The following PLCB4 variants were observed in gnomAD, a reference collection of about 807,000 sequenced individuals.
PLCB4 encodes the protein 1-phosphatidylinositol 4,5-bisphosphate phosphodiesterase beta-4.
PLCB4 carries 77 observed loss-of-function variants against 178.8 expected under a neutral mutation model. The observed-to-expected ratio is 0.43, with a 90% CI of 0.36 to 0.52. PLCB4 has a LOEUF of 0.52. Ranked by LOEUF, PLCB4 falls within the 20% of genes least tolerant of loss-of-function variation. The pLI is 0.00. For synonymous variants in PLCB4, 496 were observed against 490.8 expected (o/e 1.01, Z -0.14); for missense variants, 1,024 against 1,453.4 (o/e 0.70, Z 4.80).
intron 2 of PLCB4, among the ~76,000 whole-genome samples, chr20:9,210,417 C>A (rs1206560946): frequency 6.6e-6 from 1 of 152,114 alleles, no homozygotes; most frequent in East Asian, 1.9e-4. Context: ...CATGCTTATA[C>A]ATGTTGCTGA....
In PLCB4 at chr20:9,435,609, A is replaced by G. The variant is rs770099297; in HGVS notation, c.2574A>G (p.Glu858=). ...SDPKKFLSIT[E]KRADQMRAMG... ...CAAAGAAATTTCTCTCAATTACAGAAAAGAGAGCAGACCAAATGAGAGCTA... is the reference window on the plus strand; with the variant it reads ...CAAAGAAATTTCTCTCAATTACAGAGAAGAGAGCAGACCAAATGAGAGCTA... Residue 858 remains glutamate, a synonymous_variant, in exon 29 of 40, where the codon GAA becomes GAG. Transcript: ENST00000378473. The G allele has an allele frequency of 1.2e-6, 2 of 1,610,114 alleles. No individual in the cohort carries two copies. The highest frequency in any genetic ancestry group is 3.3e-5 in the Admixed American group (2 of 59,974).
chr20:9,462,845 AG>A (rs1185862801), intron 35 of PLCB4, among the ~76,000 whole-genome samples: 14 of 152,214 alleles, frequency 9.2e-5, no homozygotes, highest in African/African-American at 3.4e-4. Context: ...AACACTCTTT[AG>A]GATATCATCC....
chr20:9,109,988 G>T (rs1463933266), intron 2 of PLCB4, among the ~76,000 whole-genome samples: 2 of 152,200 alleles, frequency 1.3e-5, no homozygotes, highest in Non-Finnish European at 2.9e-5. Flanking sequence ...GATGTTCTGT[G>T]AATCTGTTAT....
chr20:9,161,062 A>T (rs1010162097), intron 2 of PLCB4, among the ~76,000 whole-genome samples: 28 of 152,306 alleles, frequency 1.8e-4, no homozygotes, highest in African/African-American at 6.3e-4. Flanking sequence ...TGACAGATAA[A>T]TATAAATTAT....
chr20:9,103,177 T>C (rs2091238071), intron 2 of PLCB4, among the ~76,000 whole-genome samples: 1 of 152,122 alleles, frequency 6.6e-6, no homozygotes, highest in South Asian at 2.1e-4. Context: ...TGCTGACTAC[T>C]CCAGTATGGA....
intron 3 of PLCB4, among the ~76,000 whole-genome samples, chr20:9,275,589 C>G (rs370989721): frequency 1.1e-4 from 16 of 152,078 alleles, no homozygotes; most frequent in African/African-American, 3.4e-4. Flanking sequence ...TTTCATACCA[C>G]ACATGTCATT....
At chr20:9,338,123 G>A (rs556284120) in intron 6 of PLCB4, 56 bp downstream of exon 6, 2 of 1,177,258 alleles carry the variant, frequency 1.7e-6, no homozygotes, top group South Asian at 1.2e-5. Flanking sequence ...ATTGGAAATG[G>A]CCATGGCTTC....
At chr20:9,359,208 T>C (rs1020648297) in intron 7 of PLCB4, among the ~76,000 whole-genome samples, 14 of 152,318 alleles carry the variant, frequency 9.2e-5, no homozygotes, top group South Asian at 2.1e-4. Context: ...TCTATGTCAG[T>C]CCTAATGTTC....
intron 30 of PLCB4, among the ~76,000 whole-genome samples, chr20:9,439,320 C>T (rs900379918): frequency 2.6e-5 from 4 of 152,160 alleles, no homozygotes; most frequent in Non-Finnish European, 5.9e-5. Flanking sequence ...GAAGCCTGAG[C>T]AGGCTTGTTC....
At chr20:9,156,733 C>T (rs1323086233) in intron 2 of PLCB4, among the ~76,000 whole-genome samples, 1 of 151,196 alleles carries the variant, frequency 6.6e-6, no homozygotes. Flanking sequence ...TGAGGGATTA[C>T]TGGGCTCTGT....
chr20:9,280,713 C>G (rs573861859), intron 3 of PLCB4, among the ~76,000 whole-genome samples: 1 of 151,986 alleles, frequency 6.6e-6, no homozygotes, highest in African/African-American at 2.4e-5. Flanking sequence ...TGAAATTTCA[C>G]TCGGTGAGGA....
intron 1 of PLCB4, among the ~76,000 whole-genome samples, chr20:9,092,284 C>G (rs2090717742): frequency 1.3e-5 from 2 of 152,140 alleles, no homozygotes; most frequent in African/African-American, 4.8e-5. Context: ...TTATCATTCT[C>G]TTTTGCATTG....
intron 1 of PLCB4, among the ~76,000 whole-genome samples, chr20:9,089,452 C>T (rs1600318852): frequency 6.6e-6 from 1 of 151,950 alleles, no homozygotes; most frequent in African/African-American, 2.4e-5. Flanking sequence ...TAGGTGGTAA[C>T]CAATATAGGC....
At chr20:9,385,221 C>T (rs2037484908) in intron 14 of PLCB4, among the ~76,000 whole-genome samples, 1 of 152,184 alleles carries the variant, frequency 6.6e-6, no homozygotes, top group Admixed American at 6.5e-5. Flanking sequence ...TACACAGACA[C>T]AGTAACAATC....
intron 2 of PLCB4, among the ~76,000 whole-genome samples, chr20:9,162,894 C>A (rs6086796): frequency 7.2e-5 from 11 of 152,120 alleles, no homozygotes; most frequent in Admixed American, 2.6e-4. Context: ...AATGTACAGA[C>A]CTTTCCGGGG....
At chr20:9,435,692 T>A (rs2041723314) in intron 29 of PLCB4, 44 bp downstream of exon 29, 1 of 1,103,514 alleles carries the variant, frequency 9.1e-7, no homozygotes, top group Non-Finnish European at 1.4e-6. Context: ...TTGTGGGAGT[T>A]TGATTATCAA....
intron 4 of PLCB4, among the ~76,000 whole-genome samples, chr20:9,332,708 T>C (rs2031864151): frequency 6.6e-6 from 1 of 152,170 alleles, no homozygotes; most frequent in African/African-American, 2.4e-5. Context: ...TTTTTTGCTT[T>C]TGTTGCTGGG....
intron 7 of PLCB4, among the ~76,000 whole-genome samples, chr20:9,353,682 C>A (rs2034539727): frequency 6.6e-6 from 1 of 152,168 alleles, no homozygotes; most frequent in African/African-American, 2.4e-5. Context: ...AATTCCCAGG[C>A]CTCAGACCTG....
chr20:9,375,068 A>G (rs952349474), intron 12 of PLCB4, among the ~76,000 whole-genome samples: 2 of 152,148 alleles, frequency 1.3e-5, no homozygotes, highest in African/African-American at 2.4e-5. Context: ...AGGAAAGTCT[A>G]TAGCCTTTAT....
Sources: allele counts gnomAD v4.1 joint callset (sites outside exome capture counted in the v4.1 genomes callset), GRCh38; gene constraint gnomAD v4.1.1; transcripts MANE v1.5; gene names NCBI Gene and HGNC (gene_info 2026-07-23, HGNC 2026-07-21).